The following MAP1LC3B2 variants were observed in gnomAD, a reference collection of about 807,000 sequenced individuals.
The protein encoded by MAP1LC3B2 is microtubule associated protein 1 light chain 3 beta 2.
For synonymous variants in MAP1LC3B2, 62 were observed against 57.8 expected, an observed-to-expected ratio of 1.07 and a Z score of -0.33; for missense variants, 155 against 154.6, an observed-to-expected ratio of 1.00 and a Z score of -0.01.
In MAP1LC3B2 at chr12:116,564,751, C is replaced by T. The variant is rs149114993; in HGVS notation, c.-102+5318C>T. On this transcript the variant is annotated intron_variant, in intron 1 of 1. Transcript: ENST00000556529. ...TAACACCATCTTGCCTGGGACTTTG[C>T]GTCACAAATTTCAGCCTTTTCAACC... is the stretch of plus-strand genomic sequence containing the variant. Among the ~76,000 whole-genome samples the T allele has an allele frequency of 2.4e-3, 365 of 152,292 alleles. 3 individuals carry two copies. The highest frequency in any genetic ancestry group is 0.01 in the Middle Eastern group (3 of 294).
At chr12:116,569,582 A>G (rs1483261447) in intron 1 of MAP1LC3B2, among the ~76,000 whole-genome samples, 1 of 152,166 alleles carries the variant, frequency 6.6e-6, no homozygotes, top group African/African-American at 2.4e-5. Context: ...GTAACTATGT[A>G]TTTAATATAT....
chr12:116,575,441 A>G (rs1449383301), intron 1 of MAP1LC3B2, among the ~76,000 whole-genome samples: 1 of 152,202 alleles, frequency 6.6e-6, no homozygotes, highest in Admixed American at 6.5e-5. Flanking sequence ...TCATAATTCA[A>G]ATGATCAGTA....
intron 1 of MAP1LC3B2, among the ~76,000 whole-genome samples, chr12:116,566,637 A>C (rs914389186): frequency 2.3e-4 from 35 of 149,834 alleles, no homozygotes; most frequent in Non-Finnish European, 5.0e-4. Flanking sequence ...AAAAAAAAAA[A>C]AACAAGAATT....
intron 1 of MAP1LC3B2, among the ~76,000 whole-genome samples, chr12:116,571,458 CTTTTTTTTT>C (rs71095564): frequency 6.2e-5 from 3 of 48,102 alleles, no homozygotes; most frequent in African/African-American, 2.6e-4. Flanking sequence ...GACTGCTGTT[CTTTTTTTTT>C]TTTTTTTTTT....
At chr12:116,575,737 T>A (rs1366630325) in intron 1 of MAP1LC3B2, 105 bp from the exon 2 acceptor site, 2 of 629,534 alleles carry the variant, frequency 3.2e-6, no homozygotes, top group Non-Finnish European at 5.5e-6. Flanking sequence ...TGTCAGCAGA[T>A]GTTTTCTGTA....
At chr12:116,560,418 T>A (rs998161017) in intron 1 of MAP1LC3B2, among the ~76,000 whole-genome samples, 1 of 151,788 alleles carries the variant, frequency 6.6e-6, no homozygotes, top group Admixed American at 6.6e-5. Flanking sequence ...AGCTAATTTT[T>A]GTATTTTTAG....
chr12:116,573,473 A>G lies in MAP1LC3B2; in HGVS notation c.-101-2369A>G, dbSNP rs2136964205. Among the ~76,000 whole-genome samples the G allele has an allele frequency of 1.3e-5, 2 of 152,296 alleles. 1 individual carries two copies. The highest frequency in any genetic ancestry group is 4.1e-4 in the South Asian group (2 of 4,822). On this transcript the variant is annotated intron_variant, in intron 1 of 1. Coordinates refer to ENST00000556529, the MANE Select transcript of MAP1LC3B2 (RefSeq NM_001085481.3). ...ATAAACAAATAAAAGATTTGCAACT[A>G]TATAATTCATAAAGGATTAATATCG... is the stretch of plus-strand genomic sequence containing the variant.
intron 1 of MAP1LC3B2, among the ~76,000 whole-genome samples, chr12:116,560,886 G>C (rs999327374): frequency 2.0e-5 from 3 of 151,574 alleles, no homozygotes; most frequent in Non-Finnish European, 2.9e-5. Flanking sequence ...GGAGTCCAAG[G>C]TGGGCAGGTC....
chr12:116,569,017 G>A (rs1869460210), intron 1 of MAP1LC3B2, among the ~76,000 whole-genome samples: 1 of 151,716 alleles, frequency 6.6e-6, no homozygotes, highest in Admixed American at 6.6e-5. Flanking sequence ...CCACCACCAC[G>A]CCTGGCTAAC....
chr12:116,560,821 TA>T (rs61487254), intron 1 of MAP1LC3B2, among the ~76,000 whole-genome samples: 52 of 144,404 alleles, frequency 3.6e-4, no homozygotes, highest in Non-Finnish European at 4.1e-4. Flanking sequence ...ACAAATAGTT[TA>T]AAAAAAAAAA....
At position 116,575,917 on chromosome 12, in the gene MAP1LC3B2, G is replaced by T; in HGVS notation, c.-26G>T. On this transcript the variant is annotated 5_prime_UTR_variant, in exon 2 of 2. Coordinates refer to ENST00000556529, the MANE Select transcript of MAP1LC3B2 (RefSeq NM_001085481.3). ...GAGCCGCCGGGACCCTCGCGTCGTC[G>T]CCGCCGCGGCCCAGATCCCCACACC... 6.2e-7 allele frequency: 1 copy of T among 1,613,658 alleles called. No homozygotes were observed. Among genetic ancestry groups the T allele is most frequent in the Non-Finnish European group, 8.5e-7 (1 of 1,179,770 alleles).
At position 116,567,513 on chromosome 12, in the gene MAP1LC3B2, C is replaced by T. The variant is rs1313859606; in HGVS notation, c.-102+8080C>T. Among the ~76,000 whole-genome samples, 9 of 149,558 alleles carry T rather than the reference C, an allele frequency of 6.0e-5. 1 individual carries two copies. The highest frequency in any genetic ancestry group is 6.0e-4 in the East Asian group (3 of 5,026). The stretch of plus-strand genomic sequence containing the variant: ...CTGTAGTCCCAGTACTTTGGGAGGC[C>T]GACGTGGGTGGATCACTTGAGGTCA... On this transcript the variant is annotated intron_variant, in intron 1 of 1. Coordinates refer to ENST00000556529, the MANE Select transcript of MAP1LC3B2 (RefSeq NM_001085481.3).
chr12:116,574,234 T>C (rs1452491261), intron 1 of MAP1LC3B2, among the ~76,000 whole-genome samples: 1 of 125,808 alleles, frequency 7.9e-6, no homozygotes, highest in African/African-American at 3.0e-5. Flanking sequence ...TATTGCAGTA[T>C]CGTTTGTAAT....
At chr12:116,572,648 G>A (rs1869568424) in intron 1 of MAP1LC3B2, among the ~76,000 whole-genome samples, 1 of 151,538 alleles carries the variant, frequency 6.6e-6, no homozygotes, top group African/African-American at 2.4e-5. Flanking sequence ...ACAGGCGTGA[G>A]CCACGGCGCC....
chr12:116,575,768 A>G (rs1348144388), intron 1 of MAP1LC3B2, 74 bp from the exon 2 acceptor site: 1 of 674,906 alleles, frequency 1.5e-6, no homozygotes, highest in Non-Finnish European at 2.5e-6. Context: ...TAGTAAATAT[A>G]TGATGGTGTG....
intron 1 of MAP1LC3B2, among the ~76,000 whole-genome samples, chr12:116,568,868 CTTTTTTTT>C (rs35884310): frequency 7.2e-6 from 1 of 139,740 alleles, no homozygotes; most frequent in African/African-American, 2.7e-5. Context: ...TCTTTTCTTT[CTTTTTTTT>C]TTTTTTGAGA....
chr12:116,573,836 C>A (rs1468350085), intron 1 of MAP1LC3B2, among the ~76,000 whole-genome samples: 1 of 152,152 alleles, frequency 6.6e-6, no homozygotes, highest in East Asian at 1.9e-4. Context: ...GACAATCTTA[C>A]AAAATAAAAA....
chr12:116,570,704 C>T (rs559528993), intron 1 of MAP1LC3B2, among the ~76,000 whole-genome samples: 3 of 152,282 alleles, frequency 2.0e-5, no homozygotes, highest in Middle Eastern at 3.4e-3. Context: ...TCCCCAGCCA[C>T]GTGGAACCTC....
chr12:116,564,491 T>G (rs1390405270), intron 1 of MAP1LC3B2, among the ~76,000 whole-genome samples: 2 of 152,124 alleles, frequency 1.3e-5, no homozygotes, highest in Non-Finnish European at 2.9e-5. Flanking sequence ...AGGTGTAGCC[T>G]CACAGTGGTC....
Sources: gnomAD v4.1 joint callset for allele counts (sites outside exome capture counted in the v4.1 genomes callset) on GRCh38, gnomAD v4.1.1 for gene constraint, MANE v1.5 for transcripts, NCBI Gene and HGNC (gene_info 2026-07-23, HGNC 2026-07-21) for gene names.